TM7SF2: variants seen among roughly 807,000 people sequenced by gnomAD.
TM7SF2 encodes delta(14)-sterol reductase TM7SF2.
In TM7SF2, 51 loss-of-function variants were observed where a neutral mutation model predicts 51.0. The observed-to-expected ratio is 1.00, with a 90% CI of 0.80 to 1.26. TM7SF2 has a LOEUF of 1.26. Ranked by LOEUF, TM7SF2 falls within the 50% of genes most tolerant of loss-of-function variation. The probability of loss-of-function intolerance (pLI) is 0.00; values close to 1 mark genes in which losing one functional copy is unlikely to be tolerated. For missense variants in TM7SF2, 541 were observed against 547.4 expected (o/e 0.99, Z 0.12); for synonymous variants, 255 against 241.0 (o/e 1.06, Z -0.54).
Position 65,111,941 on chromosome 11 carries a change from C to T in TM7SF2, c.-75C>T. On this transcript the variant is annotated 5_prime_UTR_variant, in exon 1 of 10. Coordinates refer to ENST00000279263, the MANE Select transcript of TM7SF2 (RefSeq NM_003273.6). ...ATCCTCCGCGCGGCCGAGTCCATCTCCTGGGAAATGGGGCGGACAGTGTTT... is the reference window on the plus strand; with the variant it reads ...ATCCTCCGCGCGGCCGAGTCCATCTTCTGGGAAATGGGGCGGACAGTGTTT... 1 of 1,501,244 alleles carries T rather than the reference C, an allele frequency of 6.7e-7. No homozygotes were observed. Among genetic ancestry groups the T allele is most frequent in the Admixed American group, 2.0e-5 (1 of 50,916 alleles). 93.0% of individuals were successfully genotyped at this position (1,501,244 alleles called of 1,614,324 possible). A position where few individuals can be genotyped will look rare whatever the true frequency, so the allele number is the denominator to read the frequency against.
chr11:65,115,002 C>T lies in TM7SF2; in HGVS notation c.813C>T (p.Tyr271=). 1 of 1,614,218 alleles carries T rather than the reference C, an allele frequency of 6.2e-7. No individual in the cohort carries two copies. Among genetic ancestry groups the T allele is most frequent in the Non-Finnish European group, 8.5e-7 (1 of 1,180,032 alleles). The change falls in exon 7 of 10, where the codon TAC becomes TAT. Residue 271 remains tyrosine, a synonymous_variant. Coordinates refer to ENST00000279263, the MANE Select transcript of TM7SF2 (RefSeq NM_003273.6). ...ACATGGCCTGGGTGCCCTTCACCTACAGCCTGCAGGCCCAGTTCCTGCTGC... is the reference window on the plus strand; with the variant it reads ...ACATGGCCTGGGTGCCCTTCACCTATAGCCTGCAGGCCCAGTTCCTGCTGC... ...FGDMAWVPFT[Y]SLQAQFLLHH...
Position 65,115,595 on chromosome 11 carries a change from T to G in TM7SF2, c.1093T>G (p.Cys365Gly). The change falls in exon 9 of 10, where the codon TGC becomes GGC. Residue 365 changes from cysteine (C) to glycine (G), a missense_variant. Cys to Gly is a radical substitution (Grantham distance 159). Coordinates refer to ENST00000279263, the MANE Select transcript of TM7SF2 (RefSeq NM_003273.6). The part of the protein sequence containing the change: ...LIMALAWSLP[C>G]GVSHLLPYFY... ...CATGGCTCTGGCTTGGTCCTTGCCC[T>G]GCGGTGAGTGGCCCATGTGGATATG... 3 of 1,613,942 alleles carry G rather than the reference T, an allele frequency of 1.9e-6. No individual in the cohort carries two copies. The South Asian group carries it at 3.3e-5, about 18-fold the overall frequency.
In TM7SF2 at chr11:65,115,335, G is replaced by A. The variant is rs369865834; in HGVS notation, c.914G>A (p.Arg305His). 78 of 1,614,032 alleles carry A rather than the reference G, an allele frequency of 4.8e-5. No individual in the cohort carries two copies. The highest frequency in any genetic ancestry group is 1.3e-4 in the African/African-American group (10 of 74,922). Reference protein sequence around the residue: ...LINATGYYIFRGANSQKNTFR... With the variant: ...LINATGYYIFHGANSQKNTFR... Reference sequence around the variant, plus strand: ...CCAGCTACTGGTTACTACATCTTCCGTGGGGCGAATTCCCAGAAAAACACT... The same window carrying A: ...CCAGCTACTGGTTACTACATCTTCCATGGGGCGAATTCCCAGAAAAACACT... Residue 305 changes from arginine to histidine, a missense_variant, in exon 8 of 10, where the codon CGT becomes CAT. Arg to His is a conservative substitution (Grantham distance 29, BLOSUM62 0). Coordinates refer to ENST00000279263, the MANE Select transcript of TM7SF2 (RefSeq NM_003273.6).
In TM7SF2 at chr11:65,115,671, C is replaced by A. The variant is rs144594097; in HGVS notation, c.1096+73C>A. 51 of 1,610,662 alleles carry A rather than the reference C, an allele frequency of 3.2e-5. No individual in the cohort carries two copies. The African/African-American group carries it at 6.7e-4, about 21-fold the overall frequency. On this transcript the variant is annotated intron_variant, in intron 9 of 9. Coordinates refer to ENST00000279263, the MANE Select transcript of TM7SF2 (RefSeq NM_003273.6). ...TGGCTCAGCGACCACAGGATGCCTA[C>A]TTTGGGTATGCACCAGTGAGAGTAG...
At chr11:65,112,145 C>T (rs1205205379) in intron 1 of TM7SF2, 78 bp downstream of exon 1, 2 of 1,433,390 alleles carry the variant, frequency 1.4e-6, no homozygotes, top group East Asian at 2.4e-5. Flanking sequence ...AGAGCGGGGG[C>T]GAGATCTGAG....
chr11:65,113,067 G>GC, intron 3 of TM7SF2, 153 bp from the exon 4 acceptor site: 1 of 1,049,586 alleles, frequency 9.5e-7, no homozygotes, highest in Non-Finnish European at 1.4e-6. Flanking sequence ...GTGCACCACA[G>GC]CAGTGGCTGG....
At position 65,113,428 on chromosome 11, in the gene TM7SF2, T is replaced by TG; in HGVS notation, c.499+18dup. On this transcript the variant is annotated intron_variant, in intron 4 of 9. Coordinates refer to ENST00000279263, the MANE Select transcript of TM7SF2 (RefSeq NM_003273.6). ...GGGGGAACTCAGGTGAGAGGGGTCC[T>TG]GGGGTGGAGACGGAGGCAGATTGGG... The TG allele has an allele frequency of 6.2e-7, 1 of 1,614,152 alleles. No homozygotes were observed. Among genetic ancestry groups the TG allele is most frequent in the Non-Finnish European group, 8.5e-7 (1 of 1,179,972 alleles).
At chr11:65,112,891 T>C in intron 3 of TM7SF2, 26 bp downstream of exon 3, 8 of 1,548,802 alleles carry the variant, frequency 5.2e-6, no homozygotes, top group Non-Finnish European at 7.0e-6. Flanking sequence ...GCCCTCGCGC[T>C]GGAGTTAAGC....
At position 65,116,152 on chromosome 11, in the gene TM7SF2, C is replaced by G; in HGVS notation, c.*99C>G. 1 of 1,431,328 alleles carries G rather than the reference C, an allele frequency of 7.0e-7. No homozygotes were observed. The allele number at this position is 1,431,328 out of a possible 1,614,324, so 88.7% of individuals were successfully genotyped here. A position where few individuals can be genotyped will look rare whatever the true frequency, so the allele number is the denominator to read the frequency against. On this transcript the variant is annotated 3_prime_UTR_variant, in exon 10 of 10. Transcript: ENST00000279263. ...ACACTTGGGACTCAAGGGCTTGCAC[C>G]CCACCCAGCCCTGAGGATGAACAAC... is the stretch of plus-strand genomic sequence containing the variant.
Position 65,115,961 on chromosome 11 carries a change from C to T in TM7SF2, c.1165C>T (p.Arg389Trp). The T allele has an allele frequency of 1.9e-6, 3 of 1,613,894 alleles. No individual in the cohort carries two copies. The highest frequency in any genetic ancestry group is 1.3e-5 in the African/African-American group (1 of 75,044). Residue 389 changes from arginine (R) to tryptophan (W), a missense_variant, in exon 10 of 10, where the codon CGG becomes TGG. Physicochemically the swap from Arg to Trp is moderately radical, Grantham distance 101. Transcript: ENST00000279263. Reference protein sequence around the residue: ...FTALLVHREARDERQCLQKYG... With the variant: ...FTALLVHREAWDERQCLQKYG... The stretch of plus-strand genomic sequence containing the variant: ...CGCGCTGCTGGTGCACCGTGAGGCC[C>T]GGGATGAGCGGCAGTGCCTGCAGAA...
rs200209776 is a variant in TM7SF2, at chr11:65,113,605, C to T, written c.603+11C>T. The T allele has an allele frequency of 1.0e-5, 16 of 1,606,820 alleles. No homozygotes were observed. In the African/African-American group the frequency reaches 1.7e-4, roughly 17 times the overall value. ...GGCCTCATCGGCTGGGTATGTTGGG[C>T]TTGACTGAGCTGGCCTCAGGCCAGG... On this transcript the variant is annotated intron_variant, in intron 5 of 9. Coordinates refer to ENST00000279263, the MANE Select transcript of TM7SF2 (RefSeq NM_003273.6).
At chr11:65,112,242 C>T (rs1274200787) in intron 1 of TM7SF2, 175 bp downstream of exon 1, 4 of 703,872 alleles carry the variant, frequency 5.7e-6, no homozygotes, top group Non-Finnish European at 7.0e-6. Context: ...GAGGAGGGGC[C>T]GGTTCTGGGG....
Position 65,111,948 on chromosome 11 carries a change from A to T in TM7SF2, c.-68A>T. ...GCGCGGCCGAGTCCATCTCCTGGGA[A>T]ATGGGGCGGACAGTGTTTCCTTGAC... is the stretch of plus-strand genomic sequence containing the variant. On this transcript the variant is annotated 5_prime_UTR_variant, in exon 1 of 10. Coordinates refer to ENST00000279263, the MANE Select transcript of TM7SF2 (RefSeq NM_003273.6). 4.0e-6 allele frequency: 6 copies of T among 1,499,360 alleles called. No individual in the cohort carries two copies. Among genetic ancestry groups the T allele is most frequent in the Non-Finnish European group, 5.5e-6 (6 of 1,099,742 alleles). The allele number at this position is 1,499,360 out of a possible 1,614,324, so 92.9% of individuals were successfully genotyped here.
At position 65,112,727 on chromosome 11, in the gene TM7SF2, G is replaced by C. The variant is rs1391668433; in HGVS notation, c.249+16G>C. 5 of 1,547,868 alleles carry C rather than the reference G, an allele frequency of 3.2e-6. No individual in the cohort carries two copies. Among genetic ancestry groups the C allele is most frequent in the Non-Finnish European group, 4.4e-6 (5 of 1,146,284 alleles). On this transcript the variant is annotated intron_variant, in intron 2 of 9. Coordinates refer to ENST00000279263, the MANE Select transcript of TM7SF2 (RefSeq NM_003273.6). ...GGCGCGCAAGGTGCGGGCCCCGCTCGCGGACGCTCGGGGGAGGGAAGCGAA... is the reference window on the plus strand; with the variant it reads ...GGCGCGCAAGGTGCGGGCCCCGCTCCCGGACGCTCGGGGGAGGGAAGCGAA...
At position 65,112,060 on chromosome 11, in the gene TM7SF2, G is replaced by T. The variant is rs759575171; in HGVS notation, c.45G>T (p.Gly15=). 4.4e-6 allele frequency: 7 copies of T among 1,596,952 alleles called. No individual in the cohort carries two copies. The highest frequency in any genetic ancestry group is 1.7e-4 in the Middle Eastern group (1 of 5,980). ...QGPRAPLEFG[G]PLGAAALLLL... is the part of the protein sequence containing the mutation. Reference sequence around the variant, plus strand: ...CCCGGGCCCCGCTGGAATTCGGAGGGCCCCTGGGTAATGGGGCAGAGAGAT... The same window carrying T: ...CCCGGGCCCCGCTGGAATTCGGAGGTCCCCTGGGTAATGGGGCAGAGAGAT... The change falls in exon 1 of 10, where the codon GGG becomes GGT. Residue 15 remains glycine, a synonymous_variant. Transcript: ENST00000279263.
chr11:65,114,922 C>T lies in TM7SF2; in HGVS notation c.733C>T (p.Leu245Phe). 1.9e-6 allele frequency: 3 copies of T among 1,614,144 alleles called. No homozygotes were observed. The highest frequency in any genetic ancestry group is 2.5e-6 in the Non-Finnish European group (3 of 1,180,010). Reference protein sequence around the residue: ...GDALWHEEAVLTTMDITHDGF... With the variant: ...GDALWHEEAVFTTMDITHDGF... ...GGTCTTGTCCCTGCAGGAGGCCGTC[C>T]TCACCACCATGGATATCACACATGA... Residue 245 changes from leucine (L) to phenylalanine (F), a missense_variant, in exon 7 of 10, where the codon CTC becomes TTC. By Grantham distance (22) the Leu-to-Phe change is conservative. Coordinates refer to ENST00000279263, the MANE Select transcript of TM7SF2 (RefSeq NM_003273.6).
chr11:65,111,912 C>T lies in TM7SF2; in HGVS notation c.-104C>T. On this transcript the variant is annotated 5_prime_UTR_variant, in exon 1 of 10. Transcript: ENST00000279263. Reference sequence around the variant, plus strand: ...CCAGGCAGGTGCAGGCGCCGCGGGGCCGGATCCTCCGCGCGGCCGAGTCCA... The same window carrying T: ...CCAGGCAGGTGCAGGCGCCGCGGGGTCGGATCCTCCGCGCGGCCGAGTCCA... 6.1e-6 allele frequency: 8 copies of T among 1,310,854 alleles called. No individual in the cohort carries two copies. The highest frequency in any genetic ancestry group is 3.8e-5 in the South Asian group (3 of 79,074). 81.2% of individuals were successfully genotyped at this position (1,310,854 alleles called of 1,614,324 possible).
At position 65,114,728 on chromosome 11, in the gene TM7SF2, G is replaced by A; in HGVS notation, c.619G>A (p.Ala207Thr). The A allele has an allele frequency of 1.9e-6, 3 of 1,614,170 alleles. No individual in the cohort carries two copies. The highest frequency in any genetic ancestry group is 2.5e-6 in the Non-Finnish European group (3 of 1,180,000). ...CTCTCCCCAGGTCCTCATCAACCTG[G>A]CCCTGTTGATGAAGGAGGCAGAGCT... The part of the protein sequence containing the change: ...GLIGWVLINL[A>T]LLMKEAELRG... The change falls in exon 6 of 10, where the codon GCC becomes ACC. Residue 207 changes from alanine (A) to threonine (T), a missense_variant. Transcript: ENST00000279263.
rs763341733 is a variant in TM7SF2, at chr11:65,113,305, C to T, written c.390C>T (p.Leu130=). 9.9e-6 allele frequency: 16 copies of T among 1,613,080 alleles called. No homozygotes were observed. The highest frequency in any genetic ancestry group is 2.2e-5 in the East Asian group (1 of 44,886). ...CTCTGGGGGCGCTCCCGGAAATGCT[C>T]CTGCCCTTGGCGTTTGTCGCCACCC... ...GLPLGALPEM[L]LPLAFVATLT... The change falls in exon 4 of 10, where the codon CTC becomes CTT. Residue 130 remains leucine, a synonymous_variant. Transcript: ENST00000279263.
Sources: gnomAD v4.1 joint callset for allele counts on GRCh38, gnomAD v4.1.1 for gene constraint, MANE v1.5 for transcripts, NCBI Gene and HGNC (gene_info 2026-07-23, HGNC 2026-07-21) for gene names.